Variants in MACROD2 observed in about 807,000 individuals in gnomAD.
The protein encoded by MACROD2 is ADP-ribose glycohydrolase MACROD2.
In MACROD2, 36 loss-of-function variants were observed where a neutral mutation model predicts 70.4. The observed-to-expected ratio is 0.51, with a 90% CI of 0.39 to 0.68. MACROD2 has a LOEUF of 0.68. Among genes scored for constraint, MACROD2 ranks in the 30% least tolerant of loss-of-function variants. The pLI is 0.00. For synonymous variants in MACROD2, 172 were observed against 178.8 expected (o/e 0.96, Z 0.30); for missense variants, 496 against 538.4 (o/e 0.92, Z 0.78).
rs568997181 is a variant in MACROD2 at position 14,308,981 on chromosome 20, T to C, written c.272-184498T>C. 2.6e-5 allele frequency among the ~76,000 whole-genome samples: 4 copies of C among 152,274 alleles called. No homozygotes were observed. In the East Asian group the frequency reaches 5.8e-4, roughly 22 times the overall value. ...AAAGGATATGCATTTTTCATATGCATATGCCACCCTTCACTGGGTTTCCTG... is the reference window on the plus strand; with the variant it reads ...AAAGGATATGCATTTTTCATATGCACATGCCACCCTTCACTGGGTTTCCTG... On this transcript the variant is annotated intron_variant, in intron 3 of 17. Coordinates refer to ENST00000684519, the MANE Select transcript of MACROD2 (RefSeq NM_001351661.2).
At chr20:14,583,076 C>T (rs1419531157) in intron 4 of MACROD2, among the ~76,000 whole-genome samples, 2 of 152,038 alleles carry the variant, frequency 1.3e-5, no homozygotes, top group Non-Finnish European at 2.9e-5. Flanking sequence ...GGACGTGTGA[C>T]TGTAGCAGAT....
chr20:14,079,835 G>T (rs1459451633), intron 2 of MACROD2, among the ~76,000 whole-genome samples: 1 of 152,144 alleles, frequency 6.6e-6, no homozygotes, highest in Non-Finnish European at 1.5e-5. Flanking sequence ...CTGGCTTATT[G>T]GGCAGGGGTT....
chr20:15,364,416 T>C (rs1383695868), intron 6 of MACROD2, among the ~76,000 whole-genome samples: 2 of 152,224 alleles, frequency 1.3e-5, no homozygotes, highest in Non-Finnish European at 2.9e-5. Context: ...TGGCTTTTTG[T>C]ATAGACCCAG....
intron 5 of MACROD2, among the ~76,000 whole-genome samples, chr20:15,018,788 A>G (rs536316131): frequency 5.3e-5 from 8 of 152,214 alleles, no homozygotes; most frequent in African/African-American, 1.9e-4. Flanking sequence ...TCAAATGTTC[A>G]TCTCTTTTGG....
At chr20:15,039,317 A>G (rs1176518259) in intron 5 of MACROD2, among the ~76,000 whole-genome samples, 1 of 152,198 alleles carries the variant, frequency 6.6e-6, no homozygotes, top group East Asian at 1.9e-4. Context: ...GTTATGGGGC[A>G]AGACACCTGG....
chr20:15,657,998 A>C (rs2146809494), intron 8 of MACROD2, among the ~76,000 whole-genome samples: 1 of 152,286 alleles, frequency 6.6e-6, no homozygotes, highest in South Asian at 2.1e-4. Flanking sequence ...CATTTCAAAA[A>C]ATAATAATAA....
intron 6 of MACROD2, among the ~76,000 whole-genome samples, chr20:15,267,004 T>G (rs900741400): frequency 2.0e-5 from 3 of 152,224 alleles, no homozygotes; most frequent in Admixed American, 2.0e-4. Context: ...GTGGATTTTA[T>G]TAGTAGGAGT....
chr20:14,628,107 G>A (rs1293626628), intron 4 of MACROD2, among the ~76,000 whole-genome samples: 5 of 152,148 alleles, frequency 3.3e-5, no homozygotes, highest in African/African-American at 1.2e-4. Context: ...TGTTCAGAGT[G>A]GGAAGCAGTG....
intron 8 of MACROD2, among the ~76,000 whole-genome samples, chr20:15,652,680 G>T (rs1433166952): frequency 6.6e-6 from 1 of 151,570 alleles, no homozygotes; most frequent in Admixed American, 6.6e-5. Flanking sequence ...AAGTGTGAAT[G>T]CCACAAGTCT....
intron 3 of MACROD2, among the ~76,000 whole-genome samples, chr20:14,471,850 A>G (rs2084534587): frequency 6.6e-6 from 1 of 152,300 alleles, no homozygotes; most frequent in South Asian, 2.1e-4. Flanking sequence ...TTGAAAATGT[A>G]TACAAATGGG....
At chr20:15,129,566 C>T (rs2076090299) in intron 5 of MACROD2, among the ~76,000 whole-genome samples, 1 of 152,036 alleles carries the variant, frequency 6.6e-6, no homozygotes, top group Admixed American at 6.6e-5. Flanking sequence ...GGTAATTTTT[C>T]TTGTATAACT....
intron 8 of MACROD2, among the ~76,000 whole-genome samples, chr20:15,641,322 T>C (rs796110060): frequency 5.3e-5 from 8 of 152,178 alleles, no homozygotes; most frequent in South Asian, 4.1e-4. Flanking sequence ...GCAGACTAAC[T>C]AGAGTAGAAT....
At position 15,680,026 on chromosome 20, in the gene MACROD2, C is replaced by A. The variant is rs180769770; in HGVS notation, c.645+180179C>A. ...TTTATGGTCAGAGTGGAAAGGGAAG[C>A]CCTGCCCCTGAAGTCATGGATGCAC... On this transcript the variant is annotated intron_variant, in intron 8 of 17. Transcript: ENST00000684519. Among the ~76,000 whole-genome samples, 156 of 152,226 alleles carry A rather than the reference C, an allele frequency of 1.0e-3. 1 individual carries two copies. Among genetic ancestry groups the A allele is most frequent in the South Asian group, 1.9e-3 (9 of 4,820 alleles).
rs143271231 is a variant in MACROD2, at chr20:14,512,371, G to A, written c.301+18863G>A. Among the ~76,000 whole-genome samples the A allele has an allele frequency of 5.8e-4, 88 of 152,186 alleles. 1 individual carries two copies. The highest frequency in any genetic ancestry group is 2.0e-3 in the African/African-American group (82 of 41,524). On this transcript the variant is annotated intron_variant, in intron 4 of 17. Transcript: ENST00000684519. ...GTGGAGGAATGAGAAGATGCAGTGT[G>A]CAGCTAACAACCAAGGCTTGGGGGT...
intron 5 of MACROD2, among the ~76,000 whole-genome samples, chr20:15,033,999 C>T (rs982380575): frequency 6.6e-6 from 1 of 152,080 alleles, no homozygotes; most frequent in African/African-American, 2.4e-5. Flanking sequence ...TTAAATAAGA[C>T]TCATGTTTCC....
chr20:14,464,730 TTG>T (rs1381104515), intron 3 of MACROD2, among the ~76,000 whole-genome samples: 2 of 152,124 alleles, frequency 1.3e-5, no homozygotes, highest in Non-Finnish European at 2.9e-5. Context: ...TTCTGGTATG[TTG>T]TGTCTTTGTT....
chr20:15,491,710 C>T (rs1303333126), intron 7 of MACROD2, among the ~76,000 whole-genome samples: 12 of 152,160 alleles, frequency 7.9e-5, no homozygotes, highest in Non-Finnish European at 1.6e-4. Context: ...TGCCTTGTTC[C>T]CTGGTCCTTT....
chr20:14,320,144 C>T (rs2082645936), intron 3 of MACROD2, among the ~76,000 whole-genome samples: 1 of 152,202 alleles, frequency 6.6e-6, no homozygotes, highest in African/African-American at 2.4e-5. Flanking sequence ...TTACAAAATA[C>T]TCTGAAATCT....
chr20:14,486,438 G>A (rs2123087960), intron 3 of MACROD2, among the ~76,000 whole-genome samples: 1 of 151,992 alleles, frequency 6.6e-6, no homozygotes, highest in Admixed American at 6.6e-5. Context: ...CAGCAGCCTT[G>A]GGCAGAGAAC....
Sources: allele counts gnomAD v4.1 joint callset (sites outside exome capture counted in the v4.1 genomes callset), GRCh38; gene constraint gnomAD v4.1.1; transcripts MANE v1.5; gene names NCBI Gene and HGNC (gene_info 2026-07-23, HGNC 2026-07-21).